Variants in SFXN5 observed in about 807,000 individuals in gnomAD.
SFXN5 encodes sideroflexin 5, also known as sideroflexin-5.
Under a neutral mutation model 50.2 loss-of-function variants are expected in SFXN5, and 43 were observed. The observed-to-expected ratio is 0.86, with a 90% CI of 0.67 to 1.11. The LOEUF is 1.11. Ranked by LOEUF, SFXN5 falls within the 50% of genes least tolerant of loss-of-function variation. SFXN5 has a pLI of 0.00. For missense variants in SFXN5, 463 were observed against 454.1 expected (o/e 1.02, Z -0.18); for synonymous variants, 203 against 185.8 (o/e 1.09, Z -0.75).
At chr2:72,954,100 C>T (rs544010680) in intron 13 of SFXN5, among the ~76,000 whole-genome samples, 3 of 152,262 alleles carry the variant, frequency 2.0e-5, no homozygotes, top group African/African-American at 7.2e-5. Flanking sequence ...AAGAGCCACC[C>T]TCTGAGGCCA....
chr2:73,051,129 G>T (rs995258762), intron 2 of SFXN5, among the ~76,000 whole-genome samples: 1 of 152,096 alleles, frequency 6.6e-6, no homozygotes, highest in African/African-American at 2.4e-5. Flanking sequence ...TATCAGAAGG[G>T]TCTTCACTGT....
At chr2:73,015,105 A>G (rs553940402) in intron 6 of SFXN5, among the ~76,000 whole-genome samples, 3 of 152,222 alleles carry the variant, frequency 2.0e-5, no homozygotes, top group Non-Finnish European at 4.4e-5. Flanking sequence ...TTTTATAGAC[A>G]CTATCAAGTT....
At chr2:72,995,639 C>T (rs1313179928) in intron 9 of SFXN5, among the ~76,000 whole-genome samples, 1 of 152,094 alleles carries the variant, frequency 6.6e-6, no homozygotes, top group African/African-American at 2.4e-5. Context: ...TTAATTAATG[C>T]CAGAGCTGGG....
At chr2:72,975,013 A>T (rs1670467426) in intron 10 of SFXN5, among the ~76,000 whole-genome samples, 1 of 152,134 alleles carries the variant, frequency 6.6e-6, no homozygotes, top group South Asian at 2.1e-4. Context: ...CACATTTTCA[A>T]CTCAGATTGA....
At chr2:72,959,302 T>C (rs961503545) in intron 13 of SFXN5, among the ~76,000 whole-genome samples, 2 of 152,120 alleles carry the variant, frequency 1.3e-5, no homozygotes, top group African/African-American at 4.8e-5. Context: ...TGCTCCTCCG[T>C]GCTGTCACCC....
intron 11 of SFXN5, 48 bp from the exon 12 acceptor site, chr2:72,968,581 C>T: frequency 6.3e-7 from 1 of 1,574,918 alleles, no homozygotes; most frequent in Non-Finnish European, 8.7e-7. Flanking sequence ...CAGCTGGTGA[C>T]AGGACAGCAC....
chr2:73,065,347 T>G (rs574926098), intron 1 of SFXN5, among the ~76,000 whole-genome samples: 12 of 151,842 alleles, frequency 7.9e-5, no homozygotes, highest in Non-Finnish European at 1.5e-4. Flanking sequence ...GCAATCCTCC[T>G]GCCTTGGCCT....
At chr2:72,968,345 G>T in intron 12 of SFXN5, 103 bp downstream of exon 12, 1 of 1,046,698 alleles carries the variant, frequency 9.6e-7, no homozygotes, top group Non-Finnish European at 1.4e-6. Flanking sequence ...ACTGGGGTGG[G>T]CTTCCTGCCA....
chr2:73,065,608 G>A (rs1190714403), intron 1 of SFXN5, among the ~76,000 whole-genome samples: 6 of 152,154 alleles, frequency 3.9e-5, no homozygotes, highest in Non-Finnish European at 8.8e-5. Flanking sequence ...TGTTGGCCAG[G>A]CTGGTCTTGA....
At chr2:73,020,600 G>C (rs1394815137) in intron 5 of SFXN5, among the ~76,000 whole-genome samples, 1 of 152,172 alleles carries the variant, frequency 6.6e-6, no homozygotes, top group Non-Finnish European at 1.5e-5. Context: ...TGCGAGGCAC[G>C]ACACACCCTG....
intron 2 of SFXN5, among the ~76,000 whole-genome samples, chr2:73,044,289 C>T (rs1238872623): frequency 6.6e-6 from 1 of 152,188 alleles, no homozygotes; most frequent in Non-Finnish European, 1.5e-5. Context: ...TCTGAGGGCC[C>T]AGGACTGAAG....
chr2:73,061,626 T>C (rs987441099), intron 1 of SFXN5, among the ~76,000 whole-genome samples: 3 of 152,094 alleles, frequency 2.0e-5, no homozygotes, highest in African/African-American at 7.2e-5. Context: ...TAAAAGTGTT[T>C]CAAAATAAAA....
At position 72,953,167 on chromosome 2, in the gene SFXN5, G is replaced by A. The variant is rs560971188; in HGVS notation, c.945+7964C>T. On this transcript the variant is annotated intron_variant, in intron 13 of 13. Transcript: ENST00000272433. The surrounding 1 kb of genome is among the most constrained non-coding windows in gnomAD (Gnocchi z 4.1). ...AACAGGCAAAATGACAGGTGGCGTT[G>A]GCGTTCCTGGGCTCTGAGCGGCTTT... 5.3e-5 allele frequency among the ~76,000 whole-genome samples: 8 copies of A among 152,278 alleles called. No homozygotes were observed. The highest frequency in any genetic ancestry group is 1.3e-4 in the Admixed American group (2 of 15,304).
intron 5 of SFXN5, 86 bp downstream of exon 5, chr2:73,022,436 A>AG: frequency 2.0e-6 from 2 of 1,013,916 alleles, no homozygotes; most frequent in Non-Finnish European, 3.1e-6. Context: ...TCCCCTCCTT[A>AG]GGCCAGCACA....
intron 7 of SFXN5, 79 bp downstream of exon 7, chr2:73,001,446 G>C (rs1256039865): frequency 2.2e-5 from 32 of 1,474,494 alleles, no homozygotes; most frequent in Non-Finnish European, 2.9e-5. Flanking sequence ...CGGGGCAGGA[G>C]ACACCACAGC....
chr2:72,987,252 G>A (rs1248534549), intron 10 of SFXN5, among the ~76,000 whole-genome samples: 1 of 151,816 alleles, frequency 6.6e-6, no homozygotes, highest in African/African-American at 2.4e-5. Context: ...TGGGATTACA[G>A]GCATGCACCA....
In SFXN5 at chr2:72,943,263, CA is replaced by C. The variant is rs1405880894; in HGVS notation, c.*1758del. The C allele has an allele frequency of 6.6e-6, 1 of 152,346 alleles. No individual in the cohort carries two copies. Among genetic ancestry groups the C allele is most frequent in the Non-Finnish European group, 1.5e-5 (1 of 68,126 alleles). 9.4% of individuals were successfully genotyped at this position (152,346 alleles called of 1,614,324 possible). A position where few individuals can be genotyped will look rare whatever the true frequency, so the allele number is the denominator to read the frequency against. On this transcript the variant is annotated 3_prime_UTR_variant, in exon 14 of 14. Coordinates refer to ENST00000272433, the MANE Select transcript of SFXN5 (RefSeq NM_144579.3). ...GGCCATGCCCATGGAAGGCCCACCT[CA>C]GCACACTTCCCCTACCCTAAGATGC...
At chr2:72,980,360 ACT>A (rs374308048) in intron 10 of SFXN5, among the ~76,000 whole-genome samples, 3 of 151,944 alleles carry the variant, frequency 2.0e-5, no homozygotes, top group Admixed American at 6.6e-5. Flanking sequence ...ACTCACACAT[ACT>A]CTCTCTCTCA....
At chr2:72,967,209 C>G (rs1346660740) in intron 12 of SFXN5, 1 of 152,214 alleles carries the variant, frequency 6.6e-6, no homozygotes, top group African/African-American at 2.4e-5. Context: ...CATTCACTCA[C>G]TCATTCATCC....
Sources: allele counts gnomAD v4.1 joint callset (sites outside exome capture counted in the v4.1 genomes callset), GRCh38; gene constraint gnomAD v4.1.1; non-coding constraint Gnocchi (gnomAD v3.1); transcripts MANE v1.5; gene names NCBI Gene and HGNC (gene_info 2026-07-23, HGNC 2026-07-21).